Variants in GTF3C1 observed in about 807,000 individuals in gnomAD.
GTF3C1 encodes the protein general transcription factor IIIC subunit 1, also known as general transcription factor 3C polypeptide 1.
Under a neutral mutation model 226.7 loss-of-function variants are expected in GTF3C1, and 57 were observed. That is an observed-to-expected ratio of 0.25 (90% CI 0.20 to 0.31). GTF3C1 has a LOEUF of 0.31. GTF3C1 is among the 10% of genes least tolerant of loss of function. GTF3C1 has a pLI of 1.00. For missense variants in GTF3C1, 2,217 were observed against 2,776.1 expected (o/e 0.80, Z 4.53); for synonymous variants, 1,090 against 1,084.8 (o/e 1.00, Z -0.09).
chr16:27,482,105 T>C (rs1487617190), intron 26 of GTF3C1, among the ~76,000 whole-genome samples: 1 of 152,118 alleles, frequency 6.6e-6, no homozygotes, highest in Non-Finnish European at 1.5e-5. Context: ...TGTCCCCTGA[T>C]ACAAGGGCCA....
intron 10 of GTF3C1, among the ~76,000 whole-genome samples, chr16:27,503,822 A>G (rs997649002): frequency 3.3e-5 from 5 of 152,164 alleles, no homozygotes; most frequent in African/African-American, 1.2e-4. Flanking sequence ...GCCCCAGGGC[A>G]TGTTCTGCTT....
Position 27,471,406 on chromosome 16 carries a change from C to T in GTF3C1, c.4526+342G>A, listed in dbSNP as rs560997236. 7.9e-5 allele frequency among the ~76,000 whole-genome samples: 12 copies of T among 152,318 alleles called. No homozygotes were observed. In the South Asian group the frequency reaches 1.0e-3, roughly 13 times the overall value. On this transcript the variant is annotated intron_variant, in intron 30 of 36. Coordinates refer to ENST00000356183, the MANE Select transcript of GTF3C1 (RefSeq NM_001520.4). The surrounding 1 kb of genome is among the most constrained non-coding windows in gnomAD (Gnocchi z 5.0). ...AGGCTTCCCAGGTCTCAGGGCTACG[C>T]GGAAGAGGGACTGAGGCTATGCTGG...
chr16:27,526,170 C>T lies in GTF3C1; in HGVS notation c.973+2428G>A, dbSNP rs1239988962. Among the ~76,000 whole-genome samples the T allele has an allele frequency of 2.6e-5, 4 of 152,204 alleles. No individual in the cohort carries two copies. In the East Asian group the frequency reaches 7.7e-4, roughly 29 times the overall value. On this transcript the variant is annotated intron_variant, in intron 6 of 36. Coordinates refer to ENST00000356183, the MANE Select transcript of GTF3C1 (RefSeq NM_001520.4). ...CAGTTTCTTCAGAAAAAGAAGTCTCCAGCCTCTGGCCTAGGAAACCGTAAG... is the reference window on the plus strand; with the variant it reads ...CAGTTTCTTCAGAAAAAGAAGTCTCTAGCCTCTGGCCTAGGAAACCGTAAG...
In GTF3C1 at chr16:27,462,642, TCTC is replaced by T. The variant is rs2087723376; in HGVS notation, c.5925-159_5925-157del. ...CTCTGCTTTCCAAACTCCCTGCTTC[TCTC>T]CTGTCTGGACAGAGGGGCCCTTGAC... On this transcript the variant is annotated intron_variant, in intron 35 of 36. Coordinates refer to ENST00000356183, the MANE Select transcript of GTF3C1 (RefSeq NM_001520.4). The surrounding 1 kb of genome is among the most constrained non-coding windows in gnomAD (Gnocchi z 4.5). 1 of 618,912 alleles carries T rather than the reference TCTC, an allele frequency of 1.6e-6. No individual in the cohort carries two copies. Among genetic ancestry groups the T allele is most frequent in the Admixed American group, 2.7e-5 (1 of 37,026 alleles). 38.3% of individuals were successfully genotyped at this position (618,912 alleles called of 1,614,324 possible). A position where few individuals can be genotyped will look rare whatever the true frequency, so the allele number is the denominator to read the frequency against.
chr16:27,488,902 G>C (rs1333395859), intron 21 of GTF3C1, 141 bp downstream of exon 21: 13 of 786,684 alleles, frequency 1.7e-5, no homozygotes, highest in Non-Finnish European at 2.8e-5. Context: ...GAATAAAACA[G>C]GCCAGGCACA....
chr16:27,518,733 C>T (rs1426035501), intron 6 of GTF3C1, among the ~76,000 whole-genome samples: 4 of 152,172 alleles, frequency 2.6e-5, no homozygotes, highest in Admixed American at 2.6e-4. Flanking sequence ...GGCCGTCGGG[C>T]AGCATAGGAA....
chr16:27,508,698 G>C, intron 7 of GTF3C1, 43 bp from the exon 8 acceptor site: 1 of 1,430,694 alleles, frequency 7.0e-7, no homozygotes, highest in Non-Finnish European at 9.9e-7. Flanking sequence ...CTGCAAAGGA[G>C]CTGTTCTGCA....
At chr16:27,487,239 G>A (rs1426287467) in intron 23 of GTF3C1, among the ~76,000 whole-genome samples, 1 of 152,212 alleles carries the variant, frequency 6.6e-6, no homozygotes, top group Non-Finnish European at 1.5e-5. Flanking sequence ...CATTTCAACT[G>A]ATGGAATGCT....
rs1226816645 is a variant in GTF3C1 at position 27,465,627 on chromosome 16, T to G, written c.5075-87A>C. On this transcript the variant is annotated intron_variant, in intron 32 of 36. Coordinates refer to ENST00000356183, the MANE Select transcript of GTF3C1 (RefSeq NM_001520.4). ...GCACAGGCCACACCCAGGAAAGGCA[T>G]GCTCCAGCACCAACTCACTGCTTCC... 4.7e-6 allele frequency: 5 copies of G among 1,071,350 alleles called. No individual in the cohort carries two copies. The Admixed American group carries it at 6.6e-5, about 14-fold the overall frequency. 66.4% of individuals were successfully genotyped at this position (1,071,350 alleles called of 1,614,324 possible). A position where few individuals can be genotyped will look rare whatever the true frequency, so the allele number is the denominator to read the frequency against.
chr16:27,480,131 G>A (rs901288485), intron 27 of GTF3C1, among the ~76,000 whole-genome samples: 2 of 150,922 alleles, frequency 1.3e-5, no homozygotes, highest in African/African-American at 4.9e-5. Context: ...AACCTGGGAA[G>A]CGGAGCTTGC....
intron 28 of GTF3C1, among the ~76,000 whole-genome samples, chr16:27,477,593 C>G (rs1193143631): frequency 6.6e-6 from 1 of 152,254 alleles, no homozygotes; most frequent in Non-Finnish European, 1.5e-5. Flanking sequence ...GCGTGAGGCA[C>G]TGTGCCTGGC....
At chr16:27,544,072 T>C (rs958727462) in intron 2 of GTF3C1, among the ~76,000 whole-genome samples, 1 of 152,126 alleles carries the variant, frequency 6.6e-6, no homozygotes, top group Non-Finnish European at 1.5e-5. Flanking sequence ...TGTGTTCATG[T>C]GCTGAAGGGA....
chr16:27,501,594 G>A (rs1164780017), intron 11 of GTF3C1, among the ~76,000 whole-genome samples: 21 of 152,204 alleles, frequency 1.4e-4, no homozygotes, highest in Admixed American at 1.4e-3. Flanking sequence ...GGCAACTCAA[G>A]AGACTACGAT....
At chr16:27,465,109 G>T in intron 33 of GTF3C1, 151 bp downstream of exon 33, 1 of 726,788 alleles carries the variant, frequency 1.4e-6, no homozygotes, top group Non-Finnish European at 2.3e-6. Flanking sequence ...GATGTGAAAT[G>T]CCCCAGTTTT....
chr16:27,476,647 A>G (rs2087955010), intron 28 of GTF3C1, 103 bp from the exon 29 acceptor site: 2 of 683,202 alleles, frequency 2.9e-6, no homozygotes, highest in Admixed American at 2.2e-5. Flanking sequence ...CAAAAGGGAC[A>G]CAAATGCCAA....
intron 23 of GTF3C1, among the ~76,000 whole-genome samples, chr16:27,488,005 C>T (rs531258053): frequency 6.6e-6 from 1 of 152,016 alleles, no homozygotes; most frequent in Non-Finnish European, 1.5e-5. Context: ...GATACAAAGG[C>T]GGAGAAAGCA....
chr16:27,518,182 G>T (rs1221302977), intron 6 of GTF3C1, among the ~76,000 whole-genome samples: 1 of 143,708 alleles, frequency 7.0e-6, no homozygotes, highest in Admixed American at 6.8e-5. Flanking sequence ...CACCACCCCC[G>T]CCCAAGACAC....
chr16:27,510,259 G>A lies in GTF3C1; in HGVS notation c.1126+1490C>T, dbSNP rs570149425. 3.9e-5 allele frequency among the ~76,000 whole-genome samples: 6 copies of A among 152,194 alleles called. No individual in the cohort carries two copies. In the East Asian group the frequency reaches 9.7e-4, roughly 25 times the overall value. On this transcript the variant is annotated intron_variant, in intron 7 of 36. Coordinates refer to ENST00000356183, the MANE Select transcript of GTF3C1 (RefSeq NM_001520.4). ...AAATTAGTGGGGCATGGTGATGGGC[G>A]CCTGTAGTCCCAAGTACTCGGGAGG...
intron 23 of GTF3C1, 143 bp downstream of exon 23, chr16:27,488,084 T>C (rs2088170107): frequency 1.5e-6 from 1 of 681,362 alleles, no homozygotes; most frequent in Middle Eastern, 2.7e-4. Context: ...GCAACCATCA[T>C]AGAGAGTCAG....
Sources: allele counts gnomAD v4.1 joint callset (sites outside exome capture counted in the v4.1 genomes callset), GRCh38; gene constraint gnomAD v4.1.1; non-coding constraint Gnocchi (gnomAD v3.1); transcripts MANE v1.5; gene names NCBI Gene and HGNC (gene_info 2026-07-23, HGNC 2026-07-21).